CDH4: variants seen among roughly 807,000 people sequenced by gnomAD.
The protein encoded by CDH4 is cadherin 4.
In CDH4, 33 loss-of-function variants were observed where a neutral mutation model predicts 86.0. The observed-to-expected ratio is 0.38, with a 90% confidence interval of 0.29 to 0.51. The LOEUF (loss-of-function observed/expected upper bound fraction) is 0.51, where lower values mean the gene tolerates loss of function less well. Ranked by LOEUF, CDH4 falls within the 20% of genes least tolerant of loss-of-function variation. CDH4 has a pLI of 0.86. For missense variants in CDH4, 1,114 were observed against 1,307.4 expected (o/e 0.85, Z 2.28); for synonymous variants, 555 against 549.4 (o/e 1.01, Z -0.14).
chr20:61,680,557 G>A (rs932714403), intron 2 of CDH4, among the ~76,000 whole-genome samples: 2 of 152,200 alleles, frequency 1.3e-5, no homozygotes, highest in Non-Finnish European at 2.9e-5. Context: ...GGGCAGAAAT[G>A]AGGAGTGGGG....
intron 4 of CDH4, among the ~76,000 whole-genome samples, chr20:61,824,473 T>C (rs2146071998): frequency 6.6e-6 from 1 of 152,286 alleles, no homozygotes; most frequent in Middle Eastern, 3.4e-3. Context: ...GAAGTGTCAT[T>C]ACAGGGTCAC....
intron 2 of CDH4, among the ~76,000 whole-genome samples, chr20:61,597,179 T>C (rs892401627): frequency 6.6e-5 from 10 of 152,152 alleles, no homozygotes; most frequent in Non-Finnish European, 1.2e-4. Context: ...AAACATTAAG[T>C]AAGAGGGGAA....
At chr20:61,692,233 G>A (rs1411105004) in intron 2 of CDH4, among the ~76,000 whole-genome samples, 19 of 146,344 alleles carry the variant, frequency 1.3e-4, no homozygotes, top group Non-Finnish European at 2.8e-4. Flanking sequence ...GTGTATGTGT[G>A]TGTATGTATG....
At chr20:61,935,587 G>A (rs1038726463) in intron 15 of CDH4, among the ~76,000 whole-genome samples, 8 of 150,958 alleles carry the variant, frequency 5.3e-5, no homozygotes, top group African/African-American at 9.8e-5. Context: ...GTGAAACCCC[G>A]TCTCTATTAA....
At chr20:61,555,348 C>T (rs775759145) in intron 2 of CDH4, among the ~76,000 whole-genome samples, 3 of 152,186 alleles carry the variant, frequency 2.0e-5, no homozygotes, top group Non-Finnish European at 4.4e-5. Context: ...CTGGCATCAG[C>T]CTTGCTTTCT....
At chr20:61,666,879 C>G (rs912248608) in intron 2 of CDH4, among the ~76,000 whole-genome samples, 3 of 152,244 alleles carry the variant, frequency 2.0e-5, no homozygotes, top group Non-Finnish European at 4.4e-5. Context: ...TCCGCTTCCC[C>G]TGGGAGTGTG....
chr20:61,331,318 G>A (rs2084571412), intron 2 of CDH4, among the ~76,000 whole-genome samples: 2 of 152,136 alleles, frequency 1.3e-5, no homozygotes, highest in South Asian at 4.2e-4. Context: ...GTGGTCAGGA[G>A]GAGACTGTGA....
chr20:61,694,162 G>A (rs752734964), intron 2 of CDH4, among the ~76,000 whole-genome samples: 5 of 152,122 alleles, frequency 3.3e-5, no homozygotes, highest in Non-Finnish European at 2.9e-5. Flanking sequence ...GATCACAGGT[G>A]TGAGCCACCA....
intron 2 of CDH4, among the ~76,000 whole-genome samples, chr20:61,497,741 TA>T (rs1310470021): frequency 6.6e-6 from 1 of 152,144 alleles, no homozygotes; most frequent in Non-Finnish European, 1.5e-5. Context: ...CATGCTGCTA[TA>T]AAGACACATG....
chr20:61,783,112 G>C (rs549126052), intron 4 of CDH4, among the ~76,000 whole-genome samples: 3 of 152,236 alleles, frequency 2.0e-5, no homozygotes, highest in East Asian at 3.9e-4. Context: ...TTATATATGC[G>C]TCAATGAAAA....
intron 2 of CDH4, among the ~76,000 whole-genome samples, chr20:61,508,741 C>T (rs910212760): frequency 6.6e-6 from 1 of 152,196 alleles, no homozygotes; most frequent in Non-Finnish European, 1.5e-5. Context: ...GGGTGGCCAC[C>T]GGGATTTGAG....
chr20:61,561,761 C>T (rs918545155), intron 2 of CDH4, among the ~76,000 whole-genome samples: 4 of 152,224 alleles, frequency 2.6e-5, no homozygotes, highest in East Asian at 3.8e-4. Context: ...TTTACTATCT[C>T]GCCCTTTACA....
intron 2 of CDH4, among the ~76,000 whole-genome samples, chr20:61,668,071 A>G (rs894392395): frequency 6.6e-6 from 1 of 152,242 alleles, no homozygotes; most frequent in Admixed American, 6.5e-5. Context: ...AAGAGTGAGC[A>G]TTCCTAATTT....
intron 2 of CDH4, among the ~76,000 whole-genome samples, chr20:61,596,419 G>A (rs1344443145): frequency 6.6e-6 from 1 of 152,192 alleles, no homozygotes; most frequent in Non-Finnish European, 1.5e-5. Flanking sequence ...CAGAAAGGAA[G>A]GGTGTCAGGA....
At chr20:61,892,158 G>T (rs574000581) in intron 7 of CDH4, among the ~76,000 whole-genome samples, 1 of 152,168 alleles carries the variant, frequency 6.6e-6, no homozygotes, top group African/African-American at 2.4e-5. Context: ...ACAGGCCATC[G>T]CTTGCTGTCA....
chr20:61,647,677 C>G (rs1204038088), intron 2 of CDH4, among the ~76,000 whole-genome samples: 7 of 151,702 alleles, frequency 4.6e-5, no homozygotes, highest in African/African-American at 1.7e-4. Flanking sequence ...GAGGCTACTG[C>G]TGGTTTTCCA....
chr20:61,444,305 ATGTATT>A (rs1568847315), intron 2 of CDH4, among the ~76,000 whole-genome samples: 47 of 2,698 alleles, frequency 0.017, no homozygotes, highest in Non-Finnish European at 0.02. Context: ...TTCTTTGTGT[ATGTATT>A]TTTGTGTATC....
intron 4 of CDH4, among the ~76,000 whole-genome samples, chr20:61,806,779 A>G (rs1277656365): frequency 6.6e-6 from 1 of 152,168 alleles, no homozygotes; most frequent in Non-Finnish European, 1.5e-5. Flanking sequence ...ATGTTCATCA[A>G]CATGCATGTT....
chr20:61,423,873 C>A (rs1052700610), intron 2 of CDH4, among the ~76,000 whole-genome samples: 1 of 152,190 alleles, frequency 6.6e-6, no homozygotes, highest in Admixed American at 6.5e-5. Flanking sequence ...TGGCCTCTGG[C>A]GGCATCCTCA....
Sources: allele counts gnomAD v4.1 joint callset (sites outside exome capture counted in the v4.1 genomes callset), GRCh38; gene constraint gnomAD v4.1.1; transcripts MANE v1.5; gene names NCBI Gene and HGNC (gene_info 2026-07-23, HGNC 2026-07-21).